PHACTR3: variants seen among roughly 807,000 people sequenced by gnomAD.
PHACTR3 encodes protein phosphatase 1, regulatory subunit 123.
A neutral mutation model predicts 66.8 loss-of-function variants in PHACTR3; 16 were observed. That is an observed-to-expected ratio of 0.24 (90% CI 0.16 to 0.36). The LOEUF (loss-of-function observed/expected upper bound fraction) is 0.36, where lower values mean the gene tolerates loss of function less well. Among genes scored for constraint, PHACTR3 ranks in the 10% least tolerant of loss-of-function variants. The probability of loss-of-function intolerance (pLI) is 1.00; values close to 1 mark genes in which losing one functional copy is unlikely to be tolerated. For synonymous variants in PHACTR3, 323 were observed against 292.1 expected (o/e 1.11, Z -1.08); for missense variants, 647 against 719.9 (o/e 0.90, Z 1.16).
chr20:59,767,545 C>T, intron 5 of PHACTR3, 150 bp downstream of exon 5: 1 of 956,438 alleles, frequency 1.0e-6, no homozygotes, highest in South Asian at 1.6e-5. Flanking sequence ...CTTGATTGGG[C>T]ACCAACTGTG....
intron 4 of PHACTR3, 124 bp downstream of exon 4, chr20:59,755,488 C>T (rs762907632): frequency 4.1e-5 from 47 of 1,156,132 alleles, no homozygotes; most frequent in Admixed American, 1.0e-4. Context: ...GAGCTGGGCC[C>T]GTGCTCTAAG....
rs569853006 is a variant in PHACTR3, at chr20:59,666,376, A to G, written c.118+61244A>G. 2.0e-5 allele frequency among the ~76,000 whole-genome samples: 3 copies of G among 152,278 alleles called. No individual in the cohort carries two copies. The South Asian group carries it at 6.2e-4, about 32-fold the overall frequency. ...CTATTTTACAGAAAGATAGGGTTGG[A>G]CATAGCATCAGGGGTCACTTGAAAG... On this transcript the variant is annotated intron_variant, in intron 1 of 12. Transcript: ENST00000371015.
chr20:59,725,085 T>G (rs577332743), intron 1 of PHACTR3, among the ~76,000 whole-genome samples: 1 of 151,612 alleles, frequency 6.6e-6, no homozygotes, highest in South Asian at 2.1e-4. Flanking sequence ...TGCTGTGTGC[T>G]CAGTAAGGCT....
chr20:59,704,562 C>CTTTTTTT (rs11331156), intron 1 of PHACTR3, among the ~76,000 whole-genome samples: 2 of 89,472 alleles, frequency 2.2e-5, no homozygotes, highest in Non-Finnish European at 4.4e-5. Flanking sequence ...TGAGAATAGT[C>CTTTTTTT]TTTTTTTTTT....
intron 1 of PHACTR3, among the ~76,000 whole-genome samples, chr20:59,676,164 A>G (rs1463331633): frequency 6.6e-6 from 1 of 152,088 alleles, no homozygotes; most frequent in African/African-American, 2.4e-5. Flanking sequence ...AGGGAAGGAG[A>G]AGAGAGGGCC....
chr20:59,766,190 G>A (rs979872056), intron 4 of PHACTR3, among the ~76,000 whole-genome samples: 1 of 152,192 alleles, frequency 6.6e-6, no homozygotes, highest in African/African-American at 2.4e-5. Flanking sequence ...GCTGGAGGTG[G>A]GGAAGGGACA....
chr20:59,588,327 C>T (rs1011382378), intron 1 of PHACTR3, among the ~76,000 whole-genome samples: 2 of 152,160 alleles, frequency 1.3e-5, no homozygotes, highest in East Asian at 1.9e-4. Context: ...CTGGGATCCG[C>T]CCCCTTGCTG....
chr20:59,765,284 C>T (rs1773285367), intron 4 of PHACTR3, among the ~76,000 whole-genome samples: 1 of 152,140 alleles, frequency 6.6e-6, no homozygotes, highest in African/African-American at 2.4e-5. Flanking sequence ...TAACAAGTAA[C>T]ACTTTTGAGG....
chr20:59,635,155 T>TTCTTTC lies in PHACTR3; in HGVS notation c.118+30025_118+30030dup, dbSNP rs1568948924. Among the ~76,000 whole-genome samples, 68 of 65,368 alleles carry TTCTTTC rather than the reference T, an allele frequency of 1.0e-3. 1 individual carries two copies. Among genetic ancestry groups the TTCTTTC allele is most frequent in the African/African-American group, 3.7e-3 (57 of 15,210 alleles). The allele number at this position is 65,368 out of a possible 152,430, so 42.9% of individuals were successfully genotyped here. A position where few individuals can be genotyped will look rare whatever the true frequency, so the allele number is the denominator to read the frequency against. ...TCTTTCTTTCTTTCTTTCTTTTTCT[T>TTCTTTC]TCTTTCTTTCTTTCCTTTCTTTCTT... On this transcript the variant is annotated intron_variant, in intron 1 of 12. Coordinates refer to ENST00000371015, the MANE Select transcript of PHACTR3 (RefSeq NM_080672.5).
chr20:59,716,247 TG>T, intron 1 of PHACTR3, among the ~76,000 whole-genome samples: 2 of 143,090 alleles, frequency 1.4e-5, no homozygotes, highest in African/African-American at 2.7e-5. Context: ...TGTGTGTGTG[TG>T]TGTGTGTGTG....
intron 1 of PHACTR3, among the ~76,000 whole-genome samples, chr20:59,733,936 C>A (rs1423331778): frequency 1.3e-5 from 2 of 152,068 alleles, no homozygotes; most frequent in South Asian, 4.2e-4. Context: ...TGTGTGAGTG[C>A]CCCCATCCTC....
rs111476667 is a variant in PHACTR3, at chr20:59,784,605, A to G, written c.1174+10115A>G. ...GGGTAGCGTGGTTGTTGCATAGCCC[A>G]GTGTGAGACCTAGGGACTGGCCAGG... On this transcript the variant is annotated intron_variant, in intron 7 of 12. Coordinates refer to ENST00000371015, the MANE Select transcript of PHACTR3 (RefSeq NM_080672.5). 4.8e-3 allele frequency among the ~76,000 whole-genome samples: 736 copies of G among 152,268 alleles called. 8 individuals are homozygous for G. Among genetic ancestry groups the G allele is most frequent in the African/African-American group, 0.016 (656 of 41,556 alleles).
intron 7 of PHACTR3, among the ~76,000 whole-genome samples, chr20:59,779,159 T>A (rs534233761): frequency 6.6e-6 from 1 of 152,262 alleles, no homozygotes; most frequent in East Asian, 1.9e-4. Context: ...CATTTGCAAA[T>A]TGAGGCTTCT....
intron 1 of PHACTR3, among the ~76,000 whole-genome samples, chr20:59,688,058 AG>A (rs982392552): frequency 4.6e-5 from 7 of 152,222 alleles, no homozygotes; most frequent in Non-Finnish European, 1.0e-4. Flanking sequence ...GGGTCTTGCC[AG>A]AATGGAATTA....
Position 59,755,275 on chromosome 20 carries a change from A to T in PHACTR3, c.452A>T (p.Asp151Val). The T allele has an allele frequency of 6.2e-7, 1 of 1,613,838 alleles. No individual in the cohort carries two copies. Among genetic ancestry groups the T allele is most frequent in the Middle Eastern group, 1.6e-4 (1 of 6,062 alleles). Reference sequence around the variant, plus strand: ...AAGTCGGAGACGCTGACTTCAGAAGATGCCCAGCCCGGAAGCCCCTTGGCC... The same window carrying T: ...AAGTCGGAGACGCTGACTTCAGAAGTTGCCCAGCCCGGAAGCCCCTTGGCC... ...TPKSETLTSE[D>V]AQPGSPLATG... The change falls in exon 4 of 13, where the codon GAT (aspartate) becomes GTT (valine). Residue 151 changes from aspartate to valine, a missense_variant. Transcript: ENST00000371015.
chr20:59,815,603 T>G (rs1184608639), intron 8 of PHACTR3, among the ~76,000 whole-genome samples: 1 of 152,048 alleles, frequency 6.6e-6, no homozygotes, highest in African/African-American at 2.4e-5. Context: ...TTTTGTATTT[T>G]TAGTAGAAAC....
intron 8 of PHACTR3, among the ~76,000 whole-genome samples, chr20:59,810,420 T>C (rs1302320683): frequency 2.0e-5 from 3 of 152,108 alleles, no homozygotes; most frequent in African/African-American, 4.8e-5. Context: ...AGCAGCGGAG[T>C]AGCAGCATCC....
chr20:59,762,000 C>A (rs1477102948), intron 4 of PHACTR3, among the ~76,000 whole-genome samples: 1 of 152,188 alleles, frequency 6.6e-6, no homozygotes, highest in Non-Finnish European at 1.5e-5. Context: ...TCAGTTTTGA[C>A]AAGATTCCAA....
chr20:59,755,261 G>T lies in PHACTR3; in HGVS notation c.438G>T (p.Thr146=). The part of the protein sequence containing the change: ...QSEPPTPKSE[T]LTSEDAQPGS... Reference sequence around the variant, plus strand: ...AACCACCCACTCCCAAGTCGGAGACGCTGACTTCAGAAGATGCCCAGCCCG... The same window carrying T: ...AACCACCCACTCCCAAGTCGGAGACTCTGACTTCAGAAGATGCCCAGCCCG... Residue 146 remains threonine, a synonymous_variant, in exon 4 of 13, where the codon ACG becomes ACT. Transcript: ENST00000371015. 2 of 1,613,816 alleles carry T rather than the reference G, an allele frequency of 1.2e-6. No homozygotes were observed. Among genetic ancestry groups the T allele is most frequent in the Non-Finnish European group, 1.7e-6 (2 of 1,180,032 alleles).
Sources: gnomAD v4.1 joint callset for allele counts (sites outside exome capture counted in the v4.1 genomes callset) on GRCh38, gnomAD v4.1.1 for gene constraint, MANE v1.5 for transcripts, NCBI Gene and HGNC (gene_info 2026-07-23, HGNC 2026-07-21) for gene names.